Variants in LGALS12 observed in about 807,000 individuals in gnomAD.
LGALS12 encodes galectin 12, also known as galectin-12.
Under a neutral mutation model 36.8 loss-of-function variants are expected in LGALS12, and 36 were observed. The ratio of observed to expected loss-of-function variants is 0.98; its 90% CI spans 0.75 to 1.29. LGALS12 has a LOEUF of 1.29. LGALS12 is among the 50% of genes most tolerant of loss of function. The pLI is 0.00. For missense variants in LGALS12, 366 were observed against 394.3 expected (o/e 0.93, Z 0.61); for synonymous variants, 145 against 155.9 (o/e 0.93, Z 0.52).
intron 7 of LGALS12, among the ~76,000 whole-genome samples, chr11:63,512,889 G>A (rs1023793652): frequency 1.3e-5 from 2 of 152,100 alleles, no homozygotes; most frequent in African/African-American, 4.8e-5. Flanking sequence ...ACAAATGTGG[G>A]TACTACTGCA....
chr11:63,507,194 G>T (rs2016766329), intron 1 of LGALS12, among the ~76,000 whole-genome samples: 1 of 152,194 alleles, frequency 6.6e-6, no homozygotes, highest in African/African-American at 2.4e-5. Context: ...TCCCTCCCAT[G>T]CTTCTCAGGT....
chr11:63,507,986 G>A (rs1211204132), intron 1 of LGALS12: 62 of 977,170 alleles, frequency 6.3e-5, no homozygotes, highest in Non-Finnish European at 7.2e-5. Context: ...TGATCCACCC[G>A]CCTCAGCTTC....
chr11:63,510,368 G>T (rs1246688365), intron 4 of LGALS12, 95 bp from the exon 5 acceptor site: 1 of 1,212,098 alleles, frequency 8.3e-7, no homozygotes, highest in Non-Finnish European at 1.2e-6. Context: ...AACATGAGGA[G>T]CTGTAAAGGC....
At chr11:63,506,823 G>A (rs768129811) in intron 1 of LGALS12, among the ~76,000 whole-genome samples, 10 of 152,192 alleles carry the variant, frequency 6.6e-5, no homozygotes, top group Non-Finnish European at 1.3e-4. Flanking sequence ...GGGTGTGGGG[G>A]TAGGATTGTT....
chr11:63,508,619 G>T lies in LGALS12; in HGVS notation c.136G>T (p.Val46Leu), dbSNP rs1259785024. 2 of 1,614,036 alleles carry T rather than the reference G, an allele frequency of 1.2e-6. No individual in the cohort carries two copies. The highest frequency in any genetic ancestry group is 1.3e-5 in the African/African-American group (1 of 74,926). The change falls in exon 2 of 9, where the codon GTG (valine) becomes TTG (leucine). Residue 46 changes from valine to leucine, a missense_variant. Transcript: ENST00000394618. Reference protein sequence around the residue: ...HAGKMVMLQGVVPLDAHRFQV... With the variant: ...HAGKMVMLQGLVPLDAHRFQV... Reference sequence around the variant, plus strand: ...AGGCAAGATGGTCATGCTGCAAGGAGTGGTCCCTCTAGATGCACACAGGTA... The same window carrying T: ...AGGCAAGATGGTCATGCTGCAAGGATTGGTCCCTCTAGATGCACACAGGTA...
chr11:63,509,061 C>T (rs1187882548), intron 3 of LGALS12, 70 bp downstream of exon 3: 2 of 1,186,698 alleles, frequency 1.7e-6, no homozygotes, highest in Non-Finnish European at 2.5e-6. Flanking sequence ...CTCAGCCAGA[C>T]TCCCCACGAC....
At chr11:63,511,472 G>A (rs2016918747) in intron 6 of LGALS12, among the ~76,000 whole-genome samples, 4 of 152,210 alleles carry the variant, frequency 2.6e-5, no homozygotes, top group Admixed American at 6.5e-5. Context: ...GCTGGTGGGG[G>A]ACAGACCACT....
At chr11:63,514,122 C>T (rs933186) in intron 7 of LGALS12, among the ~76,000 whole-genome samples, 27,311 of 152,138 alleles carry the variant, frequency 0.18, 3,590 homozygotes, top group East Asian at 0.66. Context: ...TGGAAACTTA[C>T]GGGGCCTCCT....
chr11:63,506,318 A>G lies in LGALS12; in HGVS notation c.-141A>G. ...TCCTAGGGCTGCTCCAGACAGCATT[A>G]AAACGCTGCAGGTCGCAGGTGAGAC... On this transcript the variant is annotated 5_prime_UTR_variant, in exon 1 of 9. Transcript: ENST00000394618. 6.3e-7 allele frequency: 1 copy of G among 1,581,020 alleles called. No homozygotes were observed. Among genetic ancestry groups the G allele is most frequent in the South Asian group, 1.1e-5 (1 of 88,314 alleles).
chr11:63,516,222 AC>A, intron 8 of LGALS12, 24 bp from the exon 9 acceptor site: 1 of 1,532,534 alleles, frequency 6.5e-7, no homozygotes, highest in South Asian at 1.3e-5. Flanking sequence ...GGAAGCTGCA[AC>A]CCCCTCATGT....
chr11:63,510,376 G>A, intron 4 of LGALS12, 87 bp from the exon 5 acceptor site: 1 of 1,356,576 alleles, frequency 7.4e-7, no homozygotes, highest in Non-Finnish European at 1.1e-6. Flanking sequence ...GAGCTGTAAA[G>A]GCCAGGGCTC....
In LGALS12 at chr11:63,511,154, G is replaced by A. The variant is rs78346459; in HGVS notation, c.558+49G>A. The A allele has an allele frequency of 2.4e-3, 3,744 of 1,557,360 alleles. 82 individuals carry two copies. The African/African-American group carries it at 0.042, about 17-fold the overall frequency. On this transcript the variant is annotated intron_variant, in intron 6 of 8. Transcript: ENST00000394618. ...TGTCAGGGCTGGGGGCGCAGCCTGG[G>A]TGAGCAGCTAATGAGCTCAGCCTGG...
intron 8 of LGALS12, 31 bp downstream of exon 8, chr11:63,515,744 C>T (rs747598899): frequency 3.1e-6 from 5 of 1,607,556 alleles, no homozygotes; most frequent in East Asian, 2.2e-5. Flanking sequence ...TACATCCCTT[C>T]AGGCTGGAGC....
chr11:63,508,748 C>A, intron 2 of LGALS12, 30 bp from the exon 3 acceptor site: 1 of 1,614,012 alleles, frequency 6.2e-7, no homozygotes, highest in South Asian at 1.1e-5. Context: ...CTGGTCAGAA[C>A]CGCACTTTGA....
intron 3 of LGALS12, 144 bp from the exon 4 acceptor site, chr11:63,509,634 C>T (rs2016854369): frequency 9.9e-6 from 8 of 806,804 alleles, no homozygotes; most frequent in Non-Finnish European, 1.4e-5. Flanking sequence ...GCCCAAGGCT[C>T]TGTAAAATGT....
chr11:63,515,854 G>C (rs2017066323), intron 8 of LGALS12, 141 bp downstream of exon 8: 2 of 856,564 alleles, frequency 2.3e-6, no homozygotes, highest in South Asian at 1.7e-5. Context: ...CACAGCGAAT[G>C]TCTGTACAGC....
In LGALS12 at chr11:63,510,510, C is replaced by T; in HGVS notation, c.531+9C>T. On this transcript the variant is annotated intron_variant, in intron 5 of 8. Coordinates refer to ENST00000394618, the MANE Select transcript of LGALS12 (RefSeq NM_033101.4). ...AGTACCCAGCTGGACATGTGAGTTT[C>T]TTGGCAGCAAGGTCTGAGCAGCCAC... 2 of 1,613,996 alleles carry T rather than the reference C, an allele frequency of 1.2e-6. No individual in the cohort carries two copies. The highest frequency in any genetic ancestry group is 1.7e-6 in the Non-Finnish European group (2 of 1,179,930).
intron 7 of LGALS12, among the ~76,000 whole-genome samples, chr11:63,515,149 C>T (rs78046808): frequency 0.018 from 2,802 of 152,276 alleles, 83 homozygotes; most frequent in African/African-American, 0.064. Context: ...ATCGGGACTG[C>T]CTGACTCTAA....
chr11:63,512,483 T>C (rs999554211), intron 7 of LGALS12, among the ~76,000 whole-genome samples: 2 of 152,200 alleles, frequency 1.3e-5, no homozygotes, highest in African/African-American at 4.8e-5. Flanking sequence ...TGCCTCTGTT[T>C]TCCTCTCTGT....
Sources: allele counts gnomAD v4.1 joint callset (sites outside exome capture counted in the v4.1 genomes callset), GRCh38; gene constraint gnomAD v4.1.1; transcripts MANE v1.5; gene names NCBI Gene and HGNC (gene_info 2026-07-23, HGNC 2026-07-21).